GSG1L: variants seen among roughly 807,000 people sequenced by gnomAD.
The protein encoded by GSG1L is GSG1 like, also known as germ cell-specific gene 1-like protein.
A neutral mutation model predicts 42.1 loss-of-function variants in GSG1L; 24 were observed. That is an observed-to-expected ratio of 0.57 (90% confidence interval 0.41 to 0.80). The LOEUF is 0.80. Ranked by LOEUF, GSG1L falls within the 30% of genes least tolerant of loss-of-function variation. The pLI, the probability that GSG1L is intolerant of heterozygous loss-of-function variation, is 0.00. For synonymous variants in GSG1L, 215 were observed against 203.5 expected, an observed-to-expected ratio of 1.06 and a Z score of -0.48; for missense variants, 445 against 472.2, an observed-to-expected ratio of 0.94 and a Z score of 0.53.
At chr16:27,867,396 T>C (rs1847006916) in intron 3 of GSG1L, among the ~76,000 whole-genome samples, 1 of 152,156 alleles carries the variant, frequency 6.6e-6, no homozygotes, top group Non-Finnish European at 1.5e-5. Context: ...ACCTGGCACA[T>C]TGACAAAGAG....
At chr16:27,947,566 A>G (rs1255947594) in intron 2 of GSG1L, among the ~76,000 whole-genome samples, 1 of 89,136 alleles carries the variant, frequency 1.1e-5, no homozygotes, top group African/African-American at 4.0e-5. Context: ...AGAAAGAAAG[A>G]AAGAAAGAAA....
chr16:27,804,040 T>TAGATAGATAC (rs386384570), intron 6 of GSG1L, among the ~76,000 whole-genome samples: 26,034 of 85,480 alleles, frequency 0.3, 2,623 homozygotes, highest in Admixed American at 0.37. Flanking sequence ...ATTAGATGGA[T>TAGATAGATAC]AGATAGATAG....
At position 27,828,905 on chromosome 16, in the gene GSG1L, G is replaced by A; in HGVS notation, c.714C>T (p.Leu238=). The change falls in exon 5 of 7, where the codon CTC becomes CTT. Residue 238 remains leucine, a synonymous_variant. Coordinates refer to ENST00000447459, the MANE Select transcript of GSG1L (RefSeq NM_001109763.2). ...TCCMAASVTT[L]NSYTKTVIEF... Reference sequence around the variant, plus strand: ...CAATGACCGTCTTGGTGTAGGAGTTGAGCGTGGTGACAGAGGCTGCCATGC... The same window carrying A: ...CAATGACCGTCTTGGTGTAGGAGTTAAGCGTGGTGACAGAGGCTGCCATGC... The A allele has an allele frequency of 6.2e-7, 1 of 1,614,212 alleles. No individual in the cohort carries two copies. Among genetic ancestry groups the A allele is most frequent in the Non-Finnish European group, 8.5e-7 (1 of 1,180,040 alleles).
chr16:27,941,928 G>A (rs1464760214), intron 2 of GSG1L, among the ~76,000 whole-genome samples: 1 of 152,132 alleles, frequency 6.6e-6, no homozygotes, highest in Non-Finnish European at 1.5e-5. Flanking sequence ...GTAGAATGGT[G>A]ATTGCCAGAG....
At chr16:27,999,395 G>T (rs1333623804) in intron 1 of GSG1L, among the ~76,000 whole-genome samples, 1 of 152,146 alleles carries the variant, frequency 6.6e-6, no homozygotes, top group Non-Finnish European at 1.5e-5. Flanking sequence ...GCAGTGAGCT[G>T]CAACAACAAT....
chr16:27,816,433 T>C (rs548554526), intron 5 of GSG1L, among the ~76,000 whole-genome samples: 1 of 152,286 alleles, frequency 6.6e-6, no homozygotes, highest in East Asian at 1.9e-4. Flanking sequence ...TGTGAGTAGA[T>C]GCTGTGGTGC....
chr16:27,912,118 C>A (rs1362533484), intron 2 of GSG1L, among the ~76,000 whole-genome samples: 3 of 152,162 alleles, frequency 2.0e-5, no homozygotes, highest in African/African-American at 7.2e-5. Flanking sequence ...TTCCCGCAAC[C>A]CTACAAGGGT....
At chr16:27,958,425 A>AT (rs1188242010) in intron 2 of GSG1L, among the ~76,000 whole-genome samples, 5 of 151,050 alleles carry the variant, frequency 3.3e-5, no homozygotes, top group Non-Finnish European at 7.4e-5. Context: ...AAAAAAAAAA[A>AT]AAGAAAAGAA....
intron 2 of GSG1L, among the ~76,000 whole-genome samples, chr16:27,909,522 G>T (rs7186406): frequency 0.014 from 2,069 of 150,982 alleles, 50 homozygotes; most frequent in African/African-American, 0.048. Flanking sequence ...AAAGTGTTGG[G>T]ATTACAGGCG....
At chr16:27,917,762 G>A (rs767438282) in intron 2 of GSG1L, among the ~76,000 whole-genome samples, 2 of 152,218 alleles carry the variant, frequency 1.3e-5, no homozygotes, top group South Asian at 2.1e-4. Flanking sequence ...ATACAACCAC[G>A]ACAGGCATAA....
At chr16:27,818,670 A>C (rs991334173) in intron 5 of GSG1L, among the ~76,000 whole-genome samples, 2 of 152,244 alleles carry the variant, frequency 1.3e-5, no homozygotes, top group South Asian at 2.1e-4. Flanking sequence ...GATGGAATGA[A>C]AAATGGAATT....
Position 28,005,556 on chromosome 16 carries a change from AC to A in GSG1L, c.350-42354del, listed in dbSNP as rs144034339. Among the ~76,000 whole-genome samples the A allele has an allele frequency of 5.1e-4, 77 of 152,186 alleles. 1 individual carries two copies. In the East Asian group the frequency reaches 0.012, roughly 24 times the overall value. ...TTTAACTTGATTTATGTCTATAAAA[AC>A]GTTCGCTCCAAATAAGGTCACATTC... On this transcript the variant is annotated intron_variant, in intron 1 of 6. Transcript: ENST00000447459.
chr16:27,857,442 A>AG (rs397718252), intron 3 of GSG1L, among the ~76,000 whole-genome samples: 1 of 148,122 alleles, frequency 6.8e-6, no homozygotes, highest in East Asian at 2.0e-4. Flanking sequence ...AAAAAAAAAA[A>AG]GAAAGAAAGG....
intron 2 of GSG1L, among the ~76,000 whole-genome samples, chr16:27,894,500 A>G (rs2084166461): frequency 1.3e-5 from 2 of 152,230 alleles, no homozygotes; most frequent in Admixed American, 6.5e-5. Flanking sequence ...AGTTTAATAC[A>G]TCAAATCAAT....
chr16:27,895,075 C>T (rs937508520), intron 2 of GSG1L, among the ~76,000 whole-genome samples: 11 of 152,144 alleles, frequency 7.2e-5, no homozygotes, highest in African/African-American at 9.7e-5. Flanking sequence ...TTTCCCTCTC[C>T]GCAGAGTGAG....
chr16:28,046,217 G>A (rs950474839), intron 1 of GSG1L, among the ~76,000 whole-genome samples: 1 of 152,012 alleles, frequency 6.6e-6, no homozygotes, highest in African/African-American at 2.4e-5. Flanking sequence ...ATATTGAGGG[G>A]AAAGGTTTAA....
intron 4 of GSG1L, among the ~76,000 whole-genome samples, chr16:27,834,649 A>G (rs1271389493): frequency 6.6e-6 from 1 of 152,168 alleles, no homozygotes; most frequent in Non-Finnish European, 1.5e-5. Flanking sequence ...AAATTGTGGC[A>G]GTTTGTGCTG....
intron 3 of GSG1L, among the ~76,000 whole-genome samples, chr16:27,873,501 T>A (rs2083848784): frequency 6.6e-6 from 1 of 152,214 alleles, no homozygotes; most frequent in Non-Finnish European, 1.5e-5. Context: ...GATTTCAGAC[T>A]GGGCACTGTG....
intron 1 of GSG1L, among the ~76,000 whole-genome samples, chr16:28,029,580 G>C (rs1447749748): frequency 6.6e-6 from 1 of 152,026 alleles, no homozygotes; most frequent in Non-Finnish European, 1.5e-5. Context: ...TGGATGGATG[G>C]ATGCATGGGT....
Sources: allele counts gnomAD v4.1 joint callset (sites outside exome capture counted in the v4.1 genomes callset), GRCh38; gene constraint gnomAD v4.1.1; transcripts MANE v1.5; gene names NCBI Gene and HGNC (gene_info 2026-07-23, HGNC 2026-07-21).